Variants in USP24 observed in about 807,000 individuals in gnomAD.
USP24 encodes the protein ubiquitin carboxyl-terminal hydrolase 24.
In USP24, 97 loss-of-function variants were observed where a neutral mutation model predicts 361.6. The observed-to-expected ratio is 0.27, with a 90% CI of 0.23 to 0.32. The LOEUF (loss-of-function observed/expected upper bound fraction) is 0.32. Ranked by LOEUF, USP24 falls within the 10% of genes least tolerant of loss-of-function variation. USP24 has a pLI of 1.00. For missense variants in USP24, 2,353 were observed against 3,165.6 expected (o/e 0.74, Z 6.16); for synonymous variants, 1,098 against 1,124.6 (o/e 0.98, Z 0.47).
Position 55,100,915 on chromosome 1 carries a change from A to G in USP24, c.5195T>C (p.Phe1732Ser), listed in dbSNP as rs1645617022. ...TCCAAAGAGAGACTGCACTTGGTAAAACACGCTATCATCTGGATTGTCTGT... is the reference window on the plus strand; with the variant it reads ...TCCAAAGAGAGACTGCACTTGGTAAGACACGCTATCATCTGGATTGTCTGT... ...DDTDNPDDSVFYQVQSLFGHL... is the reference protein window; with the variant it reads ...DDTDNPDDSVSYQVQSLFGHL... The change falls in exon 44 of 68, where the codon TTT (phenylalanine) becomes TCT (serine). Residue 1732 changes from phenylalanine to serine, a missense_variant. Phe to Ser is a radical substitution (Grantham distance 155). Coordinates refer to ENST00000294383, the MANE Select transcript of USP24 (RefSeq NM_015306.3). The G allele has an allele frequency of 6.2e-7, 1 of 1,613,580 alleles. No individual in the cohort carries two copies. The highest frequency in any genetic ancestry group is 8.5e-7 in the Non-Finnish European group (1 of 1,179,770).
At chr1:55,145,048 A>AT (rs1202356125) in intron 20 of USP24, among the ~76,000 whole-genome samples, 1 of 152,240 alleles carries the variant, frequency 6.6e-6, no homozygotes, top group Non-Finnish European at 1.5e-5. Flanking sequence ...ATGTGAAGAA[A>AT]TTGGAACCCT....
At chr1:55,152,873 A>C (rs79983903) in intron 16 of USP24, among the ~76,000 whole-genome samples, 4,427 of 152,272 alleles carry the variant, frequency 0.029, 154 homozygotes, top group African/African-American at 0.082. Context: ...AACATAAGAA[A>C]TAAAAGCCCA....
At chr1:55,086,753 C>A (rs2100449847) in intron 55 of USP24, among the ~76,000 whole-genome samples, 1 of 152,252 alleles carries the variant, frequency 6.6e-6, no homozygotes, top group East Asian at 1.9e-4. Context: ...ATAATGTCTG[C>A]AATTTAAAAT....
chr1:55,068,283 CTTT>C lies in USP24; in HGVS notation c.*759_*761del, dbSNP rs1205995535. 2.6e-5 allele frequency: 4 copies of C among 152,132 alleles called. No individual in the cohort carries two copies. The highest frequency in any genetic ancestry group is 9.7e-5 in the African/African-American group (4 of 41,412). The allele number at this position is 152,132 out of a possible 1,614,324, so 9.4% of individuals were successfully genotyped here. On this transcript the variant is annotated 3_prime_UTR_variant, in exon 68 of 68. Transcript: ENST00000294383. ...CTGTTTGGGGAACAACTCATAACTT[CTTT>C]AAGTAATTGATGTCAAATAATGCAC...
chr1:55,081,553 C>G, intron 58 of USP24, 129 bp from the exon 59 acceptor site: 1 of 856,606 alleles, frequency 1.2e-6, no homozygotes, highest in Non-Finnish European at 1.9e-6. Flanking sequence ...CAGAAGAGGT[C>G]AAGGTACAAA....
At chr1:55,071,547 C>T in intron 67 of USP24, 1 of 1,265,420 alleles carries the variant, frequency 7.9e-7, no homozygotes, top group South Asian at 2.1e-5. Flanking sequence ...GCCCTGGCTT[C>T]ATCGGGACTA....
chr1:55,182,704 GAAATGAAAAAC>G (rs1209296841), intron 1 of USP24, among the ~76,000 whole-genome samples: 1 of 151,888 alleles, frequency 6.6e-6, no homozygotes, highest in Admixed American at 6.6e-5. Context: ...GAGAAAACCC[GAAATGAAAAAC>G]AGTCTTTTAT....
Position 55,170,758 on chromosome 1 carries a change from A to T in USP24, c.825+798T>A, listed in dbSNP as rs139264176. On this transcript the variant is annotated intron_variant, in intron 5 of 67. Coordinates refer to ENST00000294383, the MANE Select transcript of USP24 (RefSeq NM_015306.3). ...CCCCTGGATTCTATGTACAGTACAT[A>T]TTATTATAATTCCACCTACTATTTA... is the stretch of plus-strand genomic sequence containing the variant. Among the ~76,000 whole-genome samples, 764 of 152,280 alleles carry T rather than the reference A, an allele frequency of 5.0e-3. 7 individuals carry two copies. The highest frequency in any genetic ancestry group is 0.033 in the East Asian group (172 of 5,184).
At chr1:55,112,268 T>C (rs1266182364) in intron 38 of USP24, among the ~76,000 whole-genome samples, 1 of 152,240 alleles carries the variant, frequency 6.6e-6, no homozygotes, top group African/African-American at 2.4e-5. Context: ...CGTGTCTCTA[T>C]CTTCTTCAGT....
chr1:55,125,693 C>T lies in USP24; in HGVS notation c.3701G>A (p.Gly1234Asp), dbSNP rs753784905. The change falls in exon 33 of 68, where the codon GGT (glycine) becomes GAT (aspartate). Residue 1234 changes from glycine (G) to aspartate (D), a missense_variant. Physicochemically the swap from Gly to Asp is moderately conservative, Grantham distance 94 (BLOSUM62 -1). Transcript: ENST00000294383. The stretch of plus-strand genomic sequence containing the variant: ...AAGCTGTAGACAGATGGAATAAACA[C>T]CCTGCCTTGTTTCATAGTCTACTTC... ...PSEVDYETRQ[G>D]VYSICLQLAR... 11 of 1,597,134 alleles carry T rather than the reference C, an allele frequency of 6.9e-6. No individual in the cohort carries two copies. Among genetic ancestry groups the T allele is most frequent in the Non-Finnish European group, 9.4e-6 (11 of 1,171,046 alleles).
At position 55,107,266 on chromosome 1, in the gene USP24, G is replaced by A. The variant is rs777188049; in HGVS notation, c.4735C>T (p.Leu1579Phe). The change falls in exon 40 of 68, where the codon CTC becomes TTC. Residue 1579 changes from leucine to phenylalanine, a missense_variant. By Grantham distance (22) the Leu-to-Phe change is conservative (BLOSUM62 0). Around this residue, in one of 8 missense-constraint regions of USP24, gnomAD observed 949 missense variants for 1,280.5 expected, o/e 0.74. Transcript: ENST00000294383. ...HLRLIKTLLS[L>F]CGAEKEMLGS... ...AGCATTTCCTTTTCTGCCCCACAGA[G>A]TGAAAGAAGGGTCTTGATGAGGCGT... is the stretch of plus-strand genomic sequence containing the variant. 1.1e-5 allele frequency: 17 copies of A among 1,612,182 alleles called. No homozygotes were observed. Among genetic ancestry groups the A allele is most frequent in the Non-Finnish European group, 1.4e-5 (17 of 1,179,366 alleles).
intron 8 of USP24, among the ~76,000 whole-genome samples, chr1:55,161,422 G>A (rs960153069): frequency 6.7e-5 from 10 of 150,326 alleles, no homozygotes; most frequent in Non-Finnish European, 8.9e-5. Context: ...GAAATTTCCA[G>A]AACCTACTAA....
intron 21 of USP24, among the ~76,000 whole-genome samples, chr1:55,143,632 C>T (rs1417366958): frequency 2.1e-5 from 3 of 145,502 alleles, no homozygotes; most frequent in Admixed American, 6.9e-5. Flanking sequence ...GTTAATAAGC[C>T]TTTTTTTTTT....
At chr1:55,175,145 C>G (rs1649832316) in intron 3 of USP24, among the ~76,000 whole-genome samples, 2 of 149,804 alleles carry the variant, frequency 1.3e-5, no homozygotes, top group African/African-American at 4.9e-5. Flanking sequence ...AGGCTTGAAT[C>G]AAGGGAGATT....
At chr1:55,118,998 G>A (rs1646200092) in intron 38 of USP24, among the ~76,000 whole-genome samples, 1 of 152,200 alleles carries the variant, frequency 6.6e-6, no homozygotes, top group South Asian at 2.1e-4. Context: ...AGCCATTGTG[G>A]AAAACAGTAT....
chr1:55,186,251 T>A (rs185801299), intron 1 of USP24, among the ~76,000 whole-genome samples: 1 of 152,212 alleles, frequency 6.6e-6, no homozygotes, highest in Non-Finnish European at 1.5e-5. Context: ...TCTATTAGTA[T>A]GGTTATTATA....
At chr1:55,097,562 A>G in intron 48 of USP24, 36 bp downstream of exon 48, 2 of 1,526,038 alleles carry the variant, frequency 1.3e-6, no homozygotes, top group South Asian at 2.6e-5. Context: ...GAGGAAATGA[A>G]TGGTTGTGAA....
chr1:55,117,510 T>G (rs949114671), intron 38 of USP24, among the ~76,000 whole-genome samples: 5 of 150,732 alleles, frequency 3.3e-5, no homozygotes, highest in African/African-American at 9.8e-5. Flanking sequence ...GGGTGGATCA[T>G]GAGGTCAGGA....
intron 5 of USP24, among the ~76,000 whole-genome samples, chr1:55,168,543 G>C (rs780713373): frequency 6.6e-6 from 1 of 152,134 alleles, no homozygotes. Context: ...GTGACCGTAA[G>C]TGTCCATTTG....
Sources: allele counts gnomAD v4.1 joint callset (sites outside exome capture counted in the v4.1 genomes callset), GRCh38; gene constraint gnomAD v4.1.1; regional missense constraint gnomAD v4.1.1; transcripts MANE v1.5; gene names NCBI Gene and HGNC (gene_info 2026-07-23, HGNC 2026-07-21).